The following FAIM variants were observed in gnomAD, a reference collection of about 807,000 sequenced individuals.
The protein encoded by FAIM is fas apoptotic inhibitory molecule 1.
FAIM carries 14 observed loss-of-function variants against 21.2 expected under a neutral mutation model. The observed-to-expected ratio is 0.66, with a 90% confidence interval of 0.44 to 1.03. FAIM has a LOEUF of 1.03. Among genes scored for constraint, FAIM ranks in the 50% least tolerant of loss-of-function variants. FAIM has a pLI of 0.00. For synonymous variants in FAIM, 86 were observed against 80.4 expected (o/e 1.07, Z -0.37); for missense variants, 222 against 247.1 (o/e 0.90, Z 0.68).
intron 4 of FAIM, among the ~76,000 whole-genome samples, chr3:138,623,509 G>T (rs1009613372): frequency 6.6e-6 from 1 of 152,112 alleles, no homozygotes; most frequent in Non-Finnish European, 1.5e-5. Flanking sequence ...GGGACCACAG[G>T]TCCATGTCAC....
At chr3:138,611,071 A>G in intron 1 of FAIM, 1 of 1,477,526 alleles carries the variant, frequency 6.8e-7, no homozygotes, top group Non-Finnish European at 9.5e-7. Flanking sequence ...GTACATAAGT[A>G]CCCAATAACT....
At chr3:138,609,296 C>G (rs1048864699) in intron 1 of FAIM, 1 of 151,406 alleles carries the variant, frequency 6.6e-6, no homozygotes, top group African/African-American at 2.4e-5. Context: ...CCCTGCCTAG[C>G]GAGGCCCTGC....
At chr3:138,613,676 G>T (rs1204560527) in intron 1 of FAIM, among the ~76,000 whole-genome samples, 1 of 151,688 alleles carries the variant, frequency 6.6e-6, no homozygotes, top group Admixed American at 6.6e-5. Flanking sequence ...GTAGAGATGG[G>T]GTCTCCCTAT....
At chr3:138,616,043 CTTTGT>C (rs2042822757) in intron 1 of FAIM, among the ~76,000 whole-genome samples, 1 of 152,132 alleles carries the variant, frequency 6.6e-6, no homozygotes, top group African/African-American at 2.4e-5. Flanking sequence ...CCCTCTACAG[CTTTGT>C]TAGAAAGTTG....
At chr3:138,615,086 A>G (rs1365844677) in intron 1 of FAIM, among the ~76,000 whole-genome samples, 1 of 152,222 alleles carries the variant, frequency 6.6e-6, no homozygotes, top group Non-Finnish European at 1.5e-5. Context: ...AGCCTTGCCT[A>G]CCTTAAGTGT....
At position 138,629,205 on chromosome 3, in the gene FAIM, T is replaced by C. The variant is rs373847935; in HGVS notation, c.456+49T>C. The stretch of plus-strand genomic sequence containing the variant: ...TAAGTGCCATGTGTCTCAGTTACCA[T>C]TGAATTGTTGCTGCATTTCCTAATT... On this transcript the variant is annotated intron_variant, in intron 5 of 5. Coordinates refer to ENST00000360570, the MANE Select transcript of FAIM (RefSeq NM_001033031.2). 3.5e-6 allele frequency: 5 copies of C among 1,415,056 alleles called. No homozygotes were observed. In the African/African-American group the frequency reaches 4.6e-5, roughly 13 times the overall value. The allele number at this position is 1,415,056 out of a possible 1,614,324, so 87.7% of individuals were successfully genotyped here.
chr3:138,627,822 T>A (rs570776951), intron 4 of FAIM, among the ~76,000 whole-genome samples: 19 of 152,024 alleles, frequency 1.2e-4, no homozygotes, highest in Non-Finnish European at 2.5e-4. Context: ...TTTTCTCCCA[T>A]CTCTAAGTGA....
At chr3:138,614,485 G>A (rs552667008) in intron 1 of FAIM, among the ~76,000 whole-genome samples, 8 of 152,108 alleles carry the variant, frequency 5.3e-5, no homozygotes, top group Middle Eastern at 3.4e-3. Context: ...TTCTGACAGC[G>A]TCTAGTACAG....
chr3:138,610,858 C>G (rs562813162), intron 1 of FAIM: 17 of 945,310 alleles, frequency 1.8e-5, no homozygotes, highest in Non-Finnish European at 1.5e-5. Flanking sequence ...GCTGGGATTA[C>G]GGGGTGTGAG....
chr3:138,608,975 G>C (rs2042719104), intron 1 of FAIM, 38 bp downstream of exon 1: 1 of 153,242 alleles, frequency 6.5e-6, no homozygotes. Flanking sequence ...TGTCGCGCCT[G>C]CGCCCGCCCG....
At chr3:138,613,312 G>A (rs561314352) in intron 1 of FAIM, among the ~76,000 whole-genome samples, 3 of 151,510 alleles carry the variant, frequency 2.0e-5, no homozygotes, top group Admixed American at 6.6e-5. Flanking sequence ...GAGCCACTGC[G>A]CCCGGCCCCT....
At chr3:138,628,533 A>G (rs183377010) in intron 4 of FAIM, among the ~76,000 whole-genome samples, 2,166 of 151,682 alleles carry the variant, frequency 0.014, 80 homozygotes, top group Admixed American at 0.081. Context: ...TGCCCAGGCT[A>G]GAGTGCAGTG....
intron 1 of FAIM, among the ~76,000 whole-genome samples, chr3:138,619,038 G>A (rs1397219448): frequency 6.6e-6 from 1 of 152,174 alleles, no homozygotes; most frequent in Non-Finnish European, 1.5e-5. Flanking sequence ...AGTTACATGA[G>A]CAAGGCACAT....
intron 1 of FAIM, among the ~76,000 whole-genome samples, chr3:138,617,884 C>A (rs1051650335): frequency 2.1e-5 from 3 of 144,548 alleles, no homozygotes; most frequent in East Asian, 2.0e-4. Flanking sequence ...CTAATTAGAT[C>A]ATATAGATAT....
chr3:138,621,940 G>A (rs918159135), intron 3 of FAIM, among the ~76,000 whole-genome samples: 2 of 151,836 alleles, frequency 1.3e-5, no homozygotes, highest in African/African-American at 2.4e-5. Context: ...CTGCCATTAC[G>A]CCCTGCTGAT....
Position 138,619,688 on chromosome 3 carries a change from C to G in FAIM, c.-16-23C>G. On this transcript the variant is annotated intron_variant, in intron 1 of 5. Coordinates refer to ENST00000360570, the MANE Select transcript of FAIM (RefSeq NM_001033031.2). ...TTGCTGCAATTCTGCTTTTTTCTTT[C>G]CTGGCTGCTAATTGGATTAAAGACT... 1.9e-6 allele frequency: 3 copies of G among 1,606,864 alleles called. No homozygotes were observed. The South Asian group carries it at 3.4e-5, about 18-fold the overall frequency.
At chr3:138,628,622 C>A (rs918302064) in intron 4 of FAIM, among the ~76,000 whole-genome samples, 1 of 151,872 alleles carries the variant, frequency 6.6e-6, no homozygotes, top group African/African-American at 2.4e-5. Flanking sequence ...GTAGCTGGGA[C>A]TACAGGCACC....
In FAIM at chr3:138,622,184, G is replaced by T. The variant is rs192752865; in HGVS notation, c.178-4G>T. 1.5e-3 allele frequency: 2,432 copies of T among 1,590,642 alleles called. 8 individuals carry two copies. The highest frequency in any genetic ancestry group is 1.9e-3 in the Non-Finnish European group (2,210 of 1,169,962). On this transcript the variant is annotated splice_polypyrimidine_tract_variant and splice_region_variant and intron_variant, in intron 3 of 5. Coordinates refer to ENST00000360570, the MANE Select transcript of FAIM (RefSeq NM_001033031.2). ...GTTTCATATTTTTCTGTTTTATTAT[G>T]TAGGAAGAGATAAGAAAAGAGTGGA...
intron 4 of FAIM, among the ~76,000 whole-genome samples, chr3:138,626,621 T>C (rs1044861023): frequency 3.9e-5 from 6 of 152,238 alleles, no homozygotes; most frequent in Non-Finnish European, 7.3e-5. Flanking sequence ...TTTCTAATCT[T>C]TTGCTGTTAG....
Sources: gnomAD v4.1 joint callset for allele counts (sites outside exome capture counted in the v4.1 genomes callset) on GRCh38, gnomAD v4.1.1 for gene constraint, MANE v1.5 for transcripts, NCBI Gene and HGNC (gene_info 2026-07-23, HGNC 2026-07-21) for gene names.